FAM171B: variants seen among roughly 807,000 people sequenced by gnomAD.
The protein encoded by FAM171B is family with sequence similarity 171 member B, also known as protein FAM171B.
Under a neutral mutation model 75.6 loss-of-function variants are expected in FAM171B, and 19 were observed. That is an observed-to-expected ratio of 0.25 (90% CI 0.18 to 0.37). The LOEUF (loss-of-function observed/expected upper bound fraction) is 0.37. FAM171B is among the 10% of genes least tolerant of loss of function. The probability of loss-of-function intolerance (pLI) is 1.00; values close to 1 mark genes in which losing one functional copy is unlikely to be tolerated. For missense variants in FAM171B, 848 were observed against 982.4 expected (o/e 0.86, Z 1.83); for synonymous variants, 367 against 361.7 (o/e 1.01, Z -0.17).
At chr2:186,697,493 A>G (rs942169815) in intron 1 of FAM171B, among the ~76,000 whole-genome samples, 2 of 152,146 alleles carry the variant, frequency 1.3e-5, no homozygotes, top group African/African-American at 4.8e-5. Flanking sequence ...GGCTCAAGCA[A>G]TCCTCCCATC....
chr2:186,698,780 C>T (rs922797695), intron 1 of FAM171B, among the ~76,000 whole-genome samples: 2 of 152,146 alleles, frequency 1.3e-5, no homozygotes, highest in Admixed American at 1.3e-4. Flanking sequence ...ACTTCTTCCC[C>T]ACTCCCAATA....
Position 186,747,192 on chromosome 2 carries a change from A to G in FAM171B, c.666A>G (p.Gln222=), listed in dbSNP as rs1268168337. The stretch of plus-strand genomic sequence containing the variant: ...TTACTGGCTATCTTACAGTTCTACA[A>G]CAGTTTTTGAAAGTGGACAATTTTC... The part of the protein sequence containing the change: ...SNVTGYLTVL[Q]QFLKVDNFLH... Residue 222 remains glutamine, a synonymous_variant, in exon 4 of 8, where the codon CAA becomes CAG. Transcript: ENST00000304698. The G allele has an allele frequency of 8.1e-6, 13 of 1,606,394 alleles. No individual in the cohort carries two copies. The highest frequency in any genetic ancestry group is 2.2e-5 in the East Asian group (1 of 44,452).
chr2:186,753,067 A>C (rs910060947), intron 5 of FAM171B, among the ~76,000 whole-genome samples: 2 of 152,248 alleles, frequency 1.3e-5, no homozygotes, highest in Non-Finnish European at 2.9e-5. Context: ...AATATCAGAT[A>C]AGAGCTATCT....
chr2:186,722,722 A>C (rs970072019), intron 1 of FAM171B, among the ~76,000 whole-genome samples: 2 of 152,186 alleles, frequency 1.3e-5, no homozygotes, highest in African/African-American at 4.8e-5. Flanking sequence ...TTCTCTTGGC[A>C]GGAGGTGGAG....
At chr2:186,698,017 C>T (rs1689606368) in intron 1 of FAM171B, among the ~76,000 whole-genome samples, 2 of 152,148 alleles carry the variant, frequency 1.3e-5, no homozygotes, top group African/African-American at 2.4e-5. Flanking sequence ...ATTGTTTTCT[C>T]CAGTGTATAC....
intron 1 of FAM171B, among the ~76,000 whole-genome samples, chr2:186,701,165 C>T (rs1689654789): frequency 6.6e-6 from 1 of 152,068 alleles, no homozygotes; most frequent in South Asian, 2.1e-4. Context: ...AGGTGATCTG[C>T]CCACCTCAGC....
chr2:186,729,844 T>C (rs1690088024), intron 1 of FAM171B, among the ~76,000 whole-genome samples: 1 of 152,204 alleles, frequency 6.6e-6, no homozygotes, highest in African/African-American at 2.4e-5. Context: ...AAATCCCTAA[T>C]GCTTTTCAAT....
rs995754572 is a variant in FAM171B at position 186,763,042 on chromosome 2, T to C, written c.*219T>C. 2 of 517,708 alleles carry C rather than the reference T, an allele frequency of 3.9e-6. No homozygotes were observed. Among genetic ancestry groups the C allele is most frequent in the Non-Finnish European group, 6.5e-6 (2 of 305,784 alleles). 32.1% of individuals were successfully genotyped at this position (517,708 alleles called of 1,614,324 possible). A position where few individuals can be genotyped will look rare whatever the true frequency, so the allele number is the denominator to read the frequency against. On this transcript the variant is annotated 3_prime_UTR_variant, in exon 8 of 8. Coordinates refer to ENST00000304698, the MANE Select transcript of FAM171B (RefSeq NM_177454.4). ...TTTTGGGTGATGAATTTACAGTATC[T>C]AAGTTTTCAAAATGTAAAATAGCTT...
rs1487146072 is a variant in FAM171B at position 186,761,978 on chromosome 2, G to A, written c.1636G>A (p.Asp546Asn). ...SQPIAILQTSDLFSTPEQLHT... is the reference protein window; with the variant it reads ...SQPIAILQTSNLFSTPEQLHT... ...ACCCATTGCCATCCTTCAAACATCTGACCTTTTCTCCACACCGGAACAATT... is the reference window on the plus strand; with the variant it reads ...ACCCATTGCCATCCTTCAAACATCTAACCTTTTCTCCACACCGGAACAATT... Residue 546 changes from aspartate (D) to asparagine (N), a missense_variant, in exon 8 of 8, where the codon GAC becomes AAC. Physicochemically the swap from Asp to Asn is conservative, Grantham distance 23. Around this residue, in one of 3 missense-constraint regions of FAM171B, gnomAD observed 665 missense variants for 729.0 expected, o/e 0.91. Transcript: ENST00000304698. The A allele has an allele frequency of 6.2e-7, 1 of 1,613,458 alleles. No homozygotes were observed. The highest frequency in any genetic ancestry group is 1.7e-5 in the Admixed American group (1 of 59,886).
intron 1 of FAM171B, among the ~76,000 whole-genome samples, chr2:186,698,469 C>T (rs1370374317): frequency 2.0e-5 from 3 of 152,136 alleles, no homozygotes; most frequent in African/African-American, 7.2e-5. Flanking sequence ...ATTGTTTTTT[C>T]ACCCATACTT....
intron 1 of FAM171B, among the ~76,000 whole-genome samples, chr2:186,706,891 A>G (rs1689739950): frequency 1.3e-5 from 2 of 152,052 alleles, no homozygotes; most frequent in South Asian, 4.1e-4. Context: ...AAAATTATAT[A>G]TTAATATTAT....
chr2:186,698,581 G>A (rs1023449335), intron 1 of FAM171B, among the ~76,000 whole-genome samples: 4 of 152,002 alleles, frequency 2.6e-5, no homozygotes, highest in Admixed American at 6.6e-5. Flanking sequence ...TTTGATACAG[G>A]CATAAAATGT....
chr2:186,698,346 T>C (rs942855561), intron 1 of FAM171B, among the ~76,000 whole-genome samples: 3 of 152,164 alleles, frequency 2.0e-5, no homozygotes, highest in Non-Finnish European at 4.4e-5. Flanking sequence ...TTCAGTGATA[T>C]CTATTTTTAA....
At chr2:186,742,903 A>G (rs1690309579) in intron 2 of FAM171B, among the ~76,000 whole-genome samples, 1 of 152,180 alleles carries the variant, frequency 6.6e-6, no homozygotes, top group African/African-American at 2.4e-5. Flanking sequence ...CTATGCTTGT[A>G]GGCAGGTTCA....
intron 1 of FAM171B, among the ~76,000 whole-genome samples, chr2:186,730,767 G>A (rs979344778): frequency 6.6e-6 from 1 of 152,140 alleles, no homozygotes; most frequent in African/African-American, 2.4e-5. Flanking sequence ...CAGAATGTCA[G>A]GAGGGTTTTT....
intron 1 of FAM171B, among the ~76,000 whole-genome samples, chr2:186,718,618 A>G (rs1017985688): frequency 4.6e-5 from 7 of 152,184 alleles, no homozygotes; most frequent in Non-Finnish European, 1.0e-4. Flanking sequence ...AAATTGGGGA[A>G]TATTAAATAT....
At chr2:186,704,560 A>T (rs528666042) in intron 1 of FAM171B, among the ~76,000 whole-genome samples, 1 of 152,244 alleles carries the variant, frequency 6.6e-6, no homozygotes, top group African/African-American at 2.4e-5. Context: ...TTCATTTTTC[A>T]TTCCAGTGTG....
intron 1 of FAM171B, among the ~76,000 whole-genome samples, chr2:186,701,666 T>G (rs1689662473): frequency 6.6e-6 from 1 of 152,224 alleles, no homozygotes; most frequent in South Asian, 2.1e-4. Flanking sequence ...GTAATTATGA[T>G]TTCTTTCCAG....
intron 1 of FAM171B, among the ~76,000 whole-genome samples, chr2:186,698,990 T>A (rs994744383): frequency 2.0e-5 from 3 of 152,302 alleles, no homozygotes; most frequent in African/African-American, 7.2e-5. Context: ...TAGTACTCCA[T>A]TGTGTATATG....
Sources: allele counts gnomAD v4.1 joint callset (sites outside exome capture counted in the v4.1 genomes callset), GRCh38; gene constraint gnomAD v4.1.1; regional missense constraint gnomAD v4.1.1; transcripts MANE v1.5; gene names NCBI Gene and HGNC (gene_info 2026-07-23, HGNC 2026-07-21).